The following NREP variants were observed in gnomAD, a reference collection of about 807,000 sequenced individuals.
NREP encodes neuronal regeneration-related protein.
Under a neutral mutation model 8.6 loss-of-function variants are expected in NREP, and 5 were observed. The observed-to-expected ratio is 0.58, with a 90% CI of 0.30 to 1.22. NREP has a LOEUF of 1.22. Ranked by LOEUF, NREP falls within the 50% of genes most tolerant of loss-of-function variation. The probability of loss-of-function intolerance (pLI) is 0.07; values close to 1 mark genes in which losing one functional copy is unlikely to be tolerated. For synonymous variants in NREP, 27 were observed against 28.0 expected (o/e 0.96, Z 0.11); for missense variants, 86 against 82.5 (o/e 1.04, Z -0.17).
chr5:111,919,895 G>GAAAA (rs1264085531), intron 2 of NREP, among the ~76,000 whole-genome samples: 4 of 145,826 alleles, frequency 2.7e-5, no homozygotes, highest in Non-Finnish European at 4.5e-5. Flanking sequence ...AAGAAAGAAA[G>GAAAA]AAAGAAAGAA....
At chr5:111,917,673 A>G (rs1755101488) in intron 2 of NREP, among the ~76,000 whole-genome samples, 2 of 152,218 alleles carry the variant, frequency 1.3e-5, no homozygotes, top group Admixed American at 1.3e-4. Flanking sequence ...TCATGCTAAA[A>G]ACTTTCAATA....
intron 2 of NREP, among the ~76,000 whole-genome samples, chr5:111,858,734 A>G (rs1753480367): frequency 6.6e-6 from 1 of 152,136 alleles, no homozygotes; most frequent in South Asian, 2.1e-4. Context: ...TGAGTCTAAG[A>G]CTAAATATCT....
chr5:111,869,602 T>C (rs1180199816), intron 2 of NREP, among the ~76,000 whole-genome samples: 1 of 152,180 alleles, frequency 6.6e-6, no homozygotes, highest in Non-Finnish European at 1.5e-5. Flanking sequence ...ACTCAGGCTC[T>C]ACTGTCAGAC....
At chr5:111,918,870 T>C (rs1045470088) in intron 2 of NREP, among the ~76,000 whole-genome samples, 1 of 151,934 alleles carries the variant, frequency 6.6e-6, no homozygotes, top group African/African-American at 2.4e-5. Context: ...TGCAATCTAA[T>C]TGAACTAAAG....
chr5:111,816,160 T>C (rs962647039), intron 2 of NREP, among the ~76,000 whole-genome samples: 7 of 152,154 alleles, frequency 4.6e-5, no homozygotes, highest in African/African-American at 1.7e-4. Flanking sequence ...TAAAAATATA[T>C]TTCCAAAAAA....
At chr5:111,881,021 G>A (rs530483101) in intron 2 of NREP, among the ~76,000 whole-genome samples, 1 of 152,232 alleles carries the variant, frequency 6.6e-6, no homozygotes, top group South Asian at 2.1e-4. Context: ...AGCAGGGCGA[G>A]GCATTGCCTC....
chr5:111,732,246 T>C (rs1261973673), intron 3 of NREP: 1 of 152,134 alleles, frequency 6.6e-6, no homozygotes, highest in Admixed American at 6.6e-5. Flanking sequence ...AACCAGTAAC[T>C]TCCAAACAAC....
chr5:111,755,587 C>G (rs1750649085), intron 2 of NREP, 183 bp downstream of exon 2: 1 of 640,968 alleles, frequency 1.6e-6, no homozygotes, highest in Non-Finnish European at 2.8e-6. Context: ...ACTAATTTGC[C>G]ACATCCAATT....
intron 2 of NREP, among the ~76,000 whole-genome samples, chr5:111,764,262 T>C (rs1429399690): frequency 6.6e-6 from 1 of 152,088 alleles, no homozygotes; most frequent in Non-Finnish European, 1.5e-5. Context: ...GAGGCAGAGA[T>C]GGAAGGAGGG....
At chr5:111,832,474 T>C (rs1163457976) in intron 2 of NREP, among the ~76,000 whole-genome samples, 1 of 152,126 alleles carries the variant, frequency 6.6e-6, no homozygotes, top group East Asian at 1.9e-4. Flanking sequence ...GAGCTTGCAA[T>C]GAGCGGACAT....
chr5:111,947,417 G>A (rs954708125), intron 2 of NREP, among the ~76,000 whole-genome samples: 3 of 151,770 alleles, frequency 2.0e-5, no homozygotes, highest in Non-Finnish European at 4.4e-5. Flanking sequence ...ATATAAAGAG[G>A]GAGGGTATTT....
At chr5:111,870,060 G>A (rs1208248611) in intron 2 of NREP, among the ~76,000 whole-genome samples, 1 of 152,132 alleles carries the variant, frequency 6.6e-6, no homozygotes. Flanking sequence ...GCCCTTGCAG[G>A]GGTGGCCAGC....
At chr5:111,968,313 T>A (rs1349124133) in intron 2 of NREP, among the ~76,000 whole-genome samples, 1 of 152,178 alleles carries the variant, frequency 6.6e-6, no homozygotes, top group Non-Finnish European at 1.5e-5. Context: ...GGATTTACAT[T>A]TTCCAGTAAA....
chr5:111,835,292 C>A (rs563213835), intron 2 of NREP, among the ~76,000 whole-genome samples: 1 of 152,144 alleles, frequency 6.6e-6, no homozygotes, highest in South Asian at 2.1e-4. Context: ...TTTGTTCATT[C>A]ATTTGTCTAT....
At chr5:111,804,817 C>T (rs1006195104) in intron 2 of NREP, among the ~76,000 whole-genome samples, 6 of 151,896 alleles carry the variant, frequency 4.0e-5, no homozygotes, top group Non-Finnish European at 8.8e-5. Context: ...CTGGCTAACA[C>T]GGAGAAACCC....
intron 2 of NREP, among the ~76,000 whole-genome samples, chr5:111,905,440 T>C (rs946529810): frequency 5.3e-5 from 8 of 152,146 alleles, no homozygotes; most frequent in African/African-American, 1.9e-4. Context: ...AATATTGAAG[T>C]AGACTTAATA....
At chr5:111,895,184 A>G (rs2112539408) in intron 2 of NREP, among the ~76,000 whole-genome samples, 1 of 152,348 alleles carries the variant, frequency 6.6e-6, no homozygotes, top group Non-Finnish European at 1.5e-5. Flanking sequence ...AATATCCTCA[A>G]CTTATCCTCA....
intron 2 of NREP, among the ~76,000 whole-genome samples, chr5:111,867,962 C>T (rs886992682): frequency 2.0e-5 from 3 of 151,990 alleles, no homozygotes; most frequent in Admixed American, 2.0e-4. Flanking sequence ...AAAAGAATCC[C>T]CGTACCTGTT....
At chr5:111,843,979 A>G (rs1753095505) in intron 2 of NREP, among the ~76,000 whole-genome samples, 1 of 152,202 alleles carries the variant, frequency 6.6e-6, no homozygotes, top group African/African-American at 2.4e-5. Context: ...AATGTCAACT[A>G]TATGCTCTTT....
Sources: allele counts gnomAD v4.1 joint callset (sites outside exome capture counted in the v4.1 genomes callset), GRCh38; gene constraint gnomAD v4.1.1; transcripts MANE v1.5; gene names NCBI Gene and HGNC (gene_info 2026-07-23, HGNC 2026-07-21).